Variants in COX6B2 observed in about 807,000 individuals in gnomAD.
COX6B2 encodes the protein COX VIb-2.
COX6B2 carries 12 observed loss-of-function variants against 13.7 expected under a neutral mutation model. The ratio of observed to expected loss-of-function variants is 0.87; its 90% CI spans 0.56 to 1.41. COX6B2 has a LOEUF of 1.41. Among genes scored for constraint, COX6B2 ranks in the 40% most tolerant of loss-of-function variants. The pLI, the probability that COX6B2 is intolerant of heterozygous loss-of-function variation, is 0.00. For missense variants in COX6B2, 130 were observed against 118.3 expected (o/e 1.10, Z -0.46); for synonymous variants, 56 against 46.6 (o/e 1.20, Z -0.82).
At chr19:55,351,179 T>A (rs1265770742) in intron 4 of COX6B2, among the ~76,000 whole-genome samples, 1 of 152,238 alleles carries the variant, frequency 6.6e-6, no homozygotes, top group Non-Finnish European at 1.5e-5. Context: ...CTGTTCTAAC[T>A]GCTTTATATG....
At chr19:55,351,398 CAG>C (rs1180767198) in intron 4 of COX6B2, among the ~76,000 whole-genome samples, 1 of 152,090 alleles carries the variant, frequency 6.6e-6, no homozygotes, top group African/African-American at 2.4e-5. Context: ...GGGGGAAACC[CAG>C]AGAGAGGAGG....
intron 3 of COX6B2, 23 bp from the exon 4 acceptor site, chr19:55,353,797 G>A (rs2089686428): frequency 1.2e-6 from 2 of 1,600,168 alleles, no homozygotes; most frequent in African/African-American, 2.7e-5. Context: ...AAGGCAGGGA[G>A]CGGGACGCCG....
At chr19:55,351,211 C>T (rs1168564668) in intron 4 of COX6B2, among the ~76,000 whole-genome samples, 1 of 152,230 alleles carries the variant, frequency 6.6e-6, no homozygotes, top group Non-Finnish European at 1.5e-5. Context: ...CCGTCCTCCC[C>T]ACAACCCTAG....
intron 4 of COX6B2, among the ~76,000 whole-genome samples, chr19:55,351,343 T>G (rs1271358646): frequency 1.3e-5 from 2 of 152,172 alleles, no homozygotes; most frequent in Non-Finnish European, 2.9e-5. Context: ...TAGATTGAAC[T>G]CATTCTCAGA....
chr19:55,354,281 C>T, intron 2 of COX6B2, 129 bp downstream of exon 2: 1 of 838,070 alleles, frequency 1.2e-6, no homozygotes, highest in Non-Finnish European at 2.0e-6. Flanking sequence ...CCAGGCCCCG[C>T]CCCCACCAAC....
At chr19:55,353,467 C>T (rs2089683537) in intron 4 of COX6B2, 140 bp downstream of exon 4, 2 of 576,550 alleles carry the variant, frequency 3.5e-6, no homozygotes, top group Non-Finnish European at 6.2e-6. Flanking sequence ...CCTGCTGCTA[C>T]CTGATGGAGC....
At position 55,353,765 on chromosome 19, in the gene COX6B2, A is replaced by G; in HGVS notation, c.223T>C (p.Trp75Arg). The G allele has an allele frequency of 6.2e-7, 1 of 1,609,870 alleles. No individual in the cohort carries two copies. The highest frequency in any genetic ancestry group is 8.5e-7 in the Non-Finnish European group (1 of 1,178,208). Reference sequence around the variant, plus strand: ...ATCCCGTTCTTGATCTGCTCGTTCCAGCTCTCCACCTGGGAAGCAGAAAGG... The same window carrying G: ...ATCCCGTTCTTGATCTGCTCGTTCCGGCTCTCCACCTGGGAAGCAGAAAGG... ...SLCPISWVES[W>R]NEQIKNGIFA... The change falls in exon 4 of 5, where the codon TGG becomes CGG. Residue 75 changes from tryptophan (W) to arginine (R), a missense_variant. Coordinates refer to ENST00000326529, the MANE Select transcript of COX6B2 (RefSeq NM_144613.5).
intron 4 of COX6B2, among the ~76,000 whole-genome samples, chr19:55,351,043 C>T (rs921941): frequency 2.6e-5 from 4 of 152,274 alleles, no homozygotes; most frequent in East Asian, 1.9e-4. Context: ...GCTGTCTGTC[C>T]GGTCAATCAG....
chr19:55,351,123 C>G (rs1037213883), intron 4 of COX6B2, among the ~76,000 whole-genome samples: 13 of 152,238 alleles, frequency 8.5e-5, no homozygotes, highest in African/African-American at 2.4e-5. Context: ...CTCAGATTGT[C>G]TCTATGGCTA....
At chr19:55,353,454 C>A in intron 4 of COX6B2, 153 bp downstream of exon 4, 1 of 565,506 alleles carries the variant, frequency 1.8e-6, no homozygotes, top group Non-Finnish European at 3.2e-6. Context: ...AGGGCCTTGA[C>A]TGCCTGCTGC....
rs775481185 is a variant in COX6B2 at position 55,353,981 on chromosome 19, G to A, written c.113-15C>T. 3.3e-6 allele frequency: 5 copies of A among 1,537,316 alleles called. No individual in the cohort carries two copies. Among genetic ancestry groups the A allele is most frequent in the Non-Finnish European group, 4.4e-6 (5 of 1,146,190 alleles). ...GCGGTGGTAGTCTGTGGCGGGCGGG[G>A]GTCACGCGGCAAGCCACGCCCATTC... On this transcript the variant is annotated splice_polypyrimidine_tract_variant and intron_variant, in intron 2 of 4. Coordinates refer to ENST00000326529, the MANE Select transcript of COX6B2 (RefSeq NM_144613.5).
In COX6B2 at chr19:55,354,699, G is replaced by A. The variant is rs2089697380; in HGVS notation, c.-68C>T. 70 of 570,418 alleles carry A rather than the reference G, an allele frequency of 1.2e-4. 4 individuals carry two copies. The South Asian group carries it at 1.5e-3, about 12-fold the overall frequency. 35.3% of individuals were successfully genotyped at this position (570,418 alleles called of 1,614,324 possible). A position where few individuals can be genotyped will look rare whatever the true frequency, so the allele number is the denominator to read the frequency against. ...ATCTGCTGTGGGATGGTCCCGGGGT[G>A]CCGCTCGCTTCTGAGTCCGCGGGGT... On this transcript the variant is annotated 5_prime_UTR_variant, in exon 1 of 5. Coordinates refer to ENST00000326529, the MANE Select transcript of COX6B2 (RefSeq NM_144613.5).
rs1187483665 is a variant in COX6B2 at position 55,354,541 on chromosome 19, T to C, written c.-18-2A>G. The C allele has an allele frequency of 1.9e-6, 3 of 1,570,334 alleles. No individual in the cohort carries two copies. The highest frequency in any genetic ancestry group is 2.6e-6 in the Non-Finnish European group (3 of 1,145,502). On this transcript the variant is annotated splice_acceptor_variant, in intron 1 of 4. Coordinates refer to ENST00000326529, the MANE Select transcript of COX6B2 (RefSeq NM_144613.5). LOFTEE classifies it low-confidence loss of function (5UTR_SPLICE). Reference sequence around the variant, plus strand: ...CAACATCCACGAAGGAGGCAACTCCTGCGAGACGGGACGGGACGGGGACTC... The same window carrying C: ...CAACATCCACGAAGGAGGCAACTCCCGCGAGACGGGACGGGACGGGGACTC...
intron 4 of COX6B2, among the ~76,000 whole-genome samples, chr19:55,351,524 C>A (rs533836401): frequency 3.9e-4 from 59 of 151,850 alleles, no homozygotes; most frequent in African/African-American, 1.4e-3. Flanking sequence ...GAGGGAAGAA[C>A]CGCAGAGGGA....
intron 4 of COX6B2, among the ~76,000 whole-genome samples, chr19:55,351,062 T>C (rs1850598135): frequency 6.6e-6 from 1 of 152,200 alleles, no homozygotes; most frequent in South Asian, 2.1e-4. Flanking sequence ...AGTCTCACTG[T>C]CCAGCACAAT....
At chr19:55,351,550 TG>T (rs2089670313) in intron 4 of COX6B2, 1 of 151,318 alleles carries the variant, frequency 6.6e-6, no homozygotes, top group Admixed American at 6.6e-5. Context: ...AAGTGGATGA[TG>T]GAAGGATTGA....
chr19:55,354,220 C>T, intron 2 of COX6B2, 190 bp downstream of exon 2: 1 of 645,512 alleles, frequency 1.5e-6, no homozygotes. Context: ...TCAGGCCTCG[C>T]CCCTACCAAC....
At chr19:55,351,127 A>G (rs1214628248) in intron 4 of COX6B2, among the ~76,000 whole-genome samples, 1 of 152,184 alleles carries the variant, frequency 6.6e-6, no homozygotes, top group Non-Finnish European at 1.5e-5. Flanking sequence ...GATTGTCTCT[A>G]TGGCTAGAGA....
rs755214225 is a variant in COX6B2, at chr19:55,353,717, G to A, written c.*4C>T. The A allele has an allele frequency of 1.7e-5, 27 of 1,608,938 alleles. No homozygotes were observed. The highest frequency in any genetic ancestry group is 2.5e-6 in the Non-Finnish European group (3 of 1,177,422). On this transcript the variant is annotated 3_prime_UTR_variant, in exon 4 of 5. Transcript: ENST00000326529. ...CATCTTCAGAGGAAGCCGCGCTGGGGCAGTCAGATTTTGCCGGCGAAAATC... is the reference window on the plus strand; with the variant it reads ...CATCTTCAGAGGAAGCCGCGCTGGGACAGTCAGATTTTGCCGGCGAAAATC...
Sources: gnomAD v4.1 joint callset for allele counts (sites outside exome capture counted in the v4.1 genomes callset) on GRCh38, gnomAD v4.1.1 for gene constraint, MANE v1.5 for transcripts, NCBI Gene and HGNC (gene_info 2026-07-23, HGNC 2026-07-21) for gene names.